CNGB3: variants seen among roughly 807,000 people sequenced by gnomAD.
The protein encoded by CNGB3 is cyclic nucleotide-gated channel beta-3.
CNGB3 carries 86 observed loss-of-function variants against 92.8 expected under a neutral mutation model. That is an observed-to-expected ratio of 0.93 (90% confidence interval 0.78 to 1.11). CNGB3 has a LOEUF of 1.11. Among genes scored for constraint, CNGB3 ranks in the 50% least tolerant of loss-of-function variants. The probability of loss-of-function intolerance (pLI) is 0.00; values close to 1 mark genes in which losing one functional copy is unlikely to be tolerated. For missense variants in CNGB3, 1,026 were observed against 956.8 expected (o/e 1.07, Z -0.95); for synonymous variants, 333 against 332.7 (o/e 1.00, Z -0.01).
intron 15 of CNGB3, among the ~76,000 whole-genome samples, chr8:86,593,321 C>T (rs539271347): frequency 1.3e-4 from 20 of 152,236 alleles, no homozygotes; most frequent in African/African-American, 3.6e-4. Flanking sequence ...TATCTTCCTT[C>T]GAGTTTCCCA....
At chr8:86,591,168 C>T (rs565061997) in intron 15 of CNGB3, among the ~76,000 whole-genome samples, 15 of 148,684 alleles carry the variant, frequency 1.0e-4, no homozygotes, top group South Asian at 2.2e-4. Flanking sequence ...ACGTAGTTCT[C>T]GAGCCTTGGT....
At chr8:86,659,329 C>T (rs928617286) in intron 6 of CNGB3, 1 of 1,174,776 alleles carries the variant, frequency 8.5e-7, no homozygotes, top group Non-Finnish European at 1.3e-6. Context: ...TCCTCCATGG[C>T]CTGCTGTAAC....
intron 10 of CNGB3, among the ~76,000 whole-genome samples, chr8:86,642,041 C>G (rs1823198706): frequency 6.6e-6 from 1 of 151,538 alleles, no homozygotes; most frequent in Non-Finnish European, 1.5e-5. Flanking sequence ...TTTCCTTACT[C>G]CCCCTCTCTC....
chr8:86,728,747 C>T (rs1586040257), intron 2 of CNGB3, among the ~76,000 whole-genome samples: 1 of 152,020 alleles, frequency 6.6e-6, no homozygotes, highest in Non-Finnish European at 1.5e-5. Flanking sequence ...GACCAAGAAA[C>T]ATGTTATGGA....
At chr8:86,658,768 C>T in intron 6 of CNGB3, 1 of 513,410 alleles carries the variant, frequency 1.9e-6, no homozygotes, top group South Asian at 2.4e-5. Flanking sequence ...TTCATGAAGC[C>T]AGTCTGCAAC....
intron 6 of CNGB3, chr8:86,657,885 G>T (rs553617897): frequency 1.8e-6 from 1 of 542,902 alleles, no homozygotes; most frequent in Non-Finnish European, 3.7e-6. Context: ...GGGAGGACAG[G>T]GTTCAGACGC....
intron 12 of CNGB3, among the ~76,000 whole-genome samples, chr8:86,627,033 C>T (rs1020026930): frequency 2.0e-5 from 3 of 151,810 alleles, no homozygotes; most frequent in Admixed American, 6.6e-5. Flanking sequence ...GGCCAAGGGT[C>T]ACGTTTGTTC....
chr8:86,695,778 C>G (rs574448571), intron 3 of CNGB3, among the ~76,000 whole-genome samples: 28 of 152,138 alleles, frequency 1.8e-4, no homozygotes, highest in African/African-American at 6.7e-4. Flanking sequence ...AGTTCCTTCT[C>G]ATTTGGGAAA....
intron 3 of CNGB3, among the ~76,000 whole-genome samples, chr8:86,696,615 A>G (rs1292955033): frequency 6.6e-6 from 1 of 151,778 alleles, no homozygotes; most frequent in Non-Finnish European, 1.5e-5. Flanking sequence ...TCTATCCACC[A>G]TTTTTCCTAT....
intron 15 of CNGB3, among the ~76,000 whole-genome samples, chr8:86,600,280 C>G (rs1822264254): frequency 6.6e-6 from 1 of 152,144 alleles, no homozygotes; most frequent in African/African-American, 2.4e-5. Flanking sequence ...ATTTAATCAC[C>G]TGGTATTGAA....
chr8:86,629,393 C>A (rs534102269), intron 11 of CNGB3, among the ~76,000 whole-genome samples: 4 of 152,162 alleles, frequency 2.6e-5, no homozygotes, highest in African/African-American at 4.8e-5. Flanking sequence ...CCATGTAATG[C>A]ATAGGACTAC....
intron 2 of CNGB3, among the ~76,000 whole-genome samples, chr8:86,736,373 C>G (rs1012807811): frequency 2.6e-5 from 4 of 152,106 alleles, no homozygotes; most frequent in African/African-American, 9.7e-5. Flanking sequence ...ACTCAAATAG[C>G]TCCTCTGTTA....
At chr8:86,594,163 G>A in intron 15 of CNGB3, 1 of 279,360 alleles carries the variant, frequency 3.6e-6, no homozygotes, top group Non-Finnish European at 7.2e-6. Flanking sequence ...CGGGGAATGT[G>A]TCTCCAACGA....
chr8:86,584,985 G>A (rs1360832962), intron 15 of CNGB3, among the ~76,000 whole-genome samples: 2 of 152,138 alleles, frequency 1.3e-5, no homozygotes, highest in Non-Finnish European at 2.9e-5. Context: ...ACCATCTACT[G>A]TGTTTCTGAA....
intron 3 of CNGB3, among the ~76,000 whole-genome samples, chr8:86,682,437 G>T (rs978386699): frequency 6.6e-6 from 1 of 152,204 alleles, no homozygotes; most frequent in Non-Finnish European, 1.5e-5. Flanking sequence ...AATTGGGAAT[G>T]AAACAGGGGA....
intron 9 of CNGB3, 31 bp downstream of exon 9, chr8:86,644,591 C>A: frequency 6.3e-7 from 1 of 1,597,446 alleles, no homozygotes; most frequent in South Asian, 1.1e-5. Context: ...GCTTTTTCCC[C>A]TTCCCCCAAG....
chr8:86,650,459 T>C (rs987941072), intron 7 of CNGB3, among the ~76,000 whole-genome samples: 11 of 151,092 alleles, frequency 7.3e-5, no homozygotes, highest in African/African-American at 2.7e-4. Flanking sequence ...GCCCAATTCA[T>C]AATTGCAAAA....
At chr8:86,692,348 G>T (rs1259230721) in intron 3 of CNGB3, among the ~76,000 whole-genome samples, 1 of 152,098 alleles carries the variant, frequency 6.6e-6, no homozygotes, top group Non-Finnish European at 1.5e-5. Flanking sequence ...CTAATATCGT[G>T]TTGCCATCTG....
At chr8:86,587,544 C>G (rs1309953174) in intron 15 of CNGB3, among the ~76,000 whole-genome samples, 1 of 152,088 alleles carries the variant, frequency 6.6e-6, no homozygotes, top group African/African-American at 2.4e-5. Context: ...CCAGTTTCAG[C>G]TTTCTACATA....
Sources: gnomAD v4.1 joint callset for allele counts (sites outside exome capture counted in the v4.1 genomes callset) on GRCh38, gnomAD v4.1.1 for gene constraint, MANE v1.5 for transcripts, NCBI Gene and HGNC (gene_info 2026-07-23, HGNC 2026-07-21) for gene names.